The following PCDHGA5 variants were observed in gnomAD, a reference collection of about 807,000 sequenced individuals.
The protein encoded by PCDHGA5 is protocadherin gamma subfamily A, 5, also known as protocadherin gamma-A5.
PCDHGA5 carries 36 observed loss-of-function variants against 56.7 expected under a neutral mutation model. That is an observed-to-expected ratio of 0.64 (90% confidence interval 0.49 to 0.84). PCDHGA5 has a LOEUF of 0.84. PCDHGA5 is among the 40% of genes least tolerant of loss of function. PCDHGA5 has a pLI of 0.00. For synonymous variants in PCDHGA5, 563 were observed against 520.2 expected (o/e 1.08, Z -1.12); for missense variants, 1,305 against 1,201.5 (o/e 1.09, Z -1.27).
In PCDHGA5 at chr5:141,494,850, G is replaced by C. The variant is rs2099757124; in HGVS notation, c.2465G>C (p.Arg822Thr). 1.2e-6 allele frequency: 2 copies of C among 1,614,124 alleles called. No individual in the cohort carries two copies. The highest frequency in any genetic ancestry group is 1.7e-6 in the Non-Finnish European group (2 of 1,180,018). Reference protein sequence around the residue: ...NTDWRFSQAQRPGTSGSQNGD... With the variant: ...NTDWRFSQAQTPGTSGSQNGD... ...GACTGGCGTTTCTCTCAGGCCCAGA[G>C]ACCCGGCACCAGCGGGTAGGTGACT... is the stretch of plus-strand genomic sequence containing the variant. The change falls in exon 2 of 4, where the codon AGA becomes ACA. Residue 822 changes from arginine to threonine, a missense_variant. Physicochemically the swap from Arg to Thr is moderately conservative, Grantham distance 71. Transcript: ENST00000518069.
At chr5:141,408,882 A>G (rs1561715935) in intron 1 of PCDHGA5, 1 of 1,613,404 alleles carries the variant, frequency 6.2e-7, no homozygotes, top group Admixed American at 1.7e-5. Context: ...GCCACCGCTC[A>G]CATAGAAATT....
intron 1 of PCDHGA5, chr5:141,405,160 C>T (rs2094616263): frequency 6.2e-7 from 1 of 1,614,028 alleles, no homozygotes; most frequent in Non-Finnish European, 8.5e-7. Flanking sequence ...CTGGTGTGCC[C>T]ACCTCACACT....
chr5:141,364,262 C>T lies in PCDHGA5; in HGVS notation c.-69C>T, dbSNP rs899975548. ...TTTTCGTCAGGGAATATGTACCCAT[C>T]GGCTTTAGATAAATAAGGAAACAGC... On this transcript the variant is annotated 5_prime_UTR_variant, in exon 1 of 4. Transcript: ENST00000518069. 2 of 1,504,074 alleles carry T rather than the reference C, an allele frequency of 1.3e-6. No homozygotes were observed. The highest frequency in any genetic ancestry group is 1.4e-5 in the African/African-American group (1 of 71,384). 93.2% of individuals were successfully genotyped at this position (1,504,074 alleles called of 1,614,324 possible). A position where few individuals can be genotyped will look rare whatever the true frequency, so the allele number is the denominator to read the frequency against.
rs2092610841 is a variant in PCDHGA5 at position 141,392,842 on chromosome 5, G to C, written c.2421+26091G>C. 6.2e-7 allele frequency: 1 copy of C among 1,609,194 alleles called. No homozygotes were observed. The highest frequency in any genetic ancestry group is 8.5e-7 in the Non-Finnish European group (1 of 1,177,812). On this transcript the variant is annotated intron_variant, in intron 1 of 3. Transcript: ENST00000518069. ...GCCGCTCCACAGAGTCGCCCCAGACGCGGCGAGCTGATCCTGCTGTGCGCG... is the reference window on the plus strand; with the variant it reads ...GCCGCTCCACAGAGTCGCCCCAGACCCGGCGAGCTGATCCTGCTGTGCGCG...
intron 1 of PCDHGA5, among the ~76,000 whole-genome samples, chr5:141,443,876 G>C (rs2098409251): frequency 6.6e-6 from 1 of 152,152 alleles, no homozygotes; most frequent in South Asian, 2.1e-4. Flanking sequence ...TTACTGATAA[G>C]TCAAGAGAAA....
Position 141,487,252 on chromosome 5 carries a change from G to T in PCDHGA5, c.2422-7555G>T. ...GAGAATCTCGTCTAACCCTCTACTT[G>T]GCTGTGTCCCTAGTGGCAATTTGCT... On this transcript the variant is annotated intron_variant, in intron 1 of 3. Transcript: ENST00000518069. The surrounding 1 kb of genome is among the most constrained non-coding windows in gnomAD (Gnocchi z 5.0). 1 of 1,614,110 alleles carries T rather than the reference G, an allele frequency of 6.2e-7. No homozygotes were observed. The highest frequency in any genetic ancestry group is 8.5e-7 in the Non-Finnish European group (1 of 1,180,014).
intron 1 of PCDHGA5, among the ~76,000 whole-genome samples, chr5:141,469,311 T>C (rs970450899): frequency 3.3e-5 from 5 of 152,040 alleles, no homozygotes; most frequent in Admixed American, 3.3e-4. Context: ...GCACGATGGC[T>C]CACGCCTGTA....
In PCDHGA5 at chr5:141,431,615, G is replaced by C. The variant is rs1231591874; in HGVS notation, c.2422-63192G>C. The C allele has an allele frequency of 1.2e-6, 2 of 1,614,118 alleles. No individual in the cohort carries two copies. Among genetic ancestry groups the C allele is most frequent in the Non-Finnish European group, 8.5e-7 (1 of 1,180,050 alleles). ...GAGGTATTCCTTCCGGTATGTGGACGACAAGGCGGCCCAAGTTTTCAAACT... is the reference window on the plus strand; with the variant it reads ...GAGGTATTCCTTCCGGTATGTGGACCACAAGGCGGCCCAAGTTTTCAAACT... On this transcript the variant is annotated intron_variant, in intron 1 of 3. Coordinates refer to ENST00000518069, the MANE Select transcript of PCDHGA5 (RefSeq NM_018918.3). This position sits in a 1 kb window ranked among gnomAD's most constrained non-coding sequence, Gnocchi z 4.8.
In PCDHGA5 at chr5:141,364,165, C is replaced by A. The variant is rs556224229; in HGVS notation, c.-166C>A. ...GGAAAGAAGCTGCCGCAGAGGCGAC[C>A]CGACTCTGCTCCCTCCATACTAAAC... On this transcript the variant is annotated 5_prime_UTR_variant, in exon 1 of 4. Coordinates refer to ENST00000518069, the MANE Select transcript of PCDHGA5 (RefSeq NM_018918.3). The A allele has an allele frequency of 4.3e-6, 3 of 699,866 alleles. No individual in the cohort carries two copies. In the Admixed American group the frequency reaches 1.1e-4, roughly 26 times the overall value. 43.4% of individuals were successfully genotyped at this position (699,866 alleles called of 1,614,324 possible).
At chr5:141,421,776 G>A in intron 1 of PCDHGA5, 5 of 1,613,876 alleles carry the variant, frequency 3.1e-6, no homozygotes, top group Non-Finnish European at 3.4e-6. Context: ...CCTTGCAACT[G>A]CGGGGCAGAA....
At chr5:141,422,464 A>G (rs1303001624) in intron 1 of PCDHGA5, 1 of 1,613,502 alleles carries the variant, frequency 6.2e-7, no homozygotes, top group Admixed American at 1.7e-5. Context: ...AGTGCTGGAC[A>G]GGGAGTTGGT....
In PCDHGA5 at chr5:141,431,766, C is replaced by T. The variant is rs1474420822; in HGVS notation, c.2422-63041C>T. Reference sequence around the variant, plus strand: ...TCTGCGCGAGCCAAAGTCCTGATCACTGTTCTGGACGTGAACGACAATGCC... The same window carrying T: ...TCTGCGCGAGCCAAAGTCCTGATCATTGTTCTGGACGTGAACGACAATGCC... On this transcript the variant is annotated intron_variant, in intron 1 of 3. Transcript: ENST00000518069. The surrounding 1 kb of genome is among the most constrained non-coding windows in gnomAD (Gnocchi z 4.8). 2.5e-6 allele frequency: 4 copies of T among 1,614,196 alleles called. No individual in the cohort carries two copies. Among genetic ancestry groups the T allele is most frequent in the Non-Finnish European group, 3.4e-6 (4 of 1,180,010 alleles).
intron 1 of PCDHGA5, among the ~76,000 whole-genome samples, chr5:141,475,253 A>C (rs2099360990): frequency 6.6e-6 from 1 of 152,200 alleles, no homozygotes; most frequent in Non-Finnish European, 1.5e-5. Flanking sequence ...GTGCTCTACA[A>C]CTGAGATCAT....
intron 1 of PCDHGA5, among the ~76,000 whole-genome samples, chr5:141,460,961 A>ATATG (rs1463306338): frequency 3.5e-5 from 5 of 144,556 alleles, no homozygotes; most frequent in African/African-American, 1.3e-4. Flanking sequence ...GTATATATAT[A>ATATG]TGTGTGTGTG....
intron 1 of PCDHGA5, chr5:141,417,798 C>G (rs2096163233): frequency 6.7e-7 from 1 of 1,486,352 alleles, no homozygotes; most frequent in African/African-American, 1.4e-5. Flanking sequence ...GCTCTTTTAG[C>G]GCGGTAGAGT....
rs771471249 is a variant in PCDHGA5 at position 141,365,444 on chromosome 5, C to T, written c.1114C>T (p.His372Tyr). 3.7e-6 allele frequency: 6 copies of T among 1,613,872 alleles called. No homozygotes were observed. Among genetic ancestry groups the T allele is most frequent in the South Asian group, 2.2e-5 (2 of 91,090 alleles). Residue 372 changes from histidine (H) to tyrosine (Y), a missense_variant, in exon 1 of 4, where the codon CAT becomes TAT. Physicochemically the swap from His to Tyr is moderately conservative, Grantham distance 83. Transcript: ENST00000518069. The part of the protein sequence containing the change: ...PGTVIALFSV[H>Y]DGDSGENGEI... ...AACTGTAATCGCGCTGTTTAGCGTACATGATGGTGATTCTGGAGAAAATGG... is the reference window on the plus strand; with the variant it reads ...AACTGTAATCGCGCTGTTTAGCGTATATGATGGTGATTCTGGAGAAAATGG...
At chr5:141,409,145 T>G (rs2095231039) in intron 1 of PCDHGA5, 1 of 1,613,884 alleles carries the variant, frequency 6.2e-7, no homozygotes, top group Non-Finnish European at 8.5e-7. Flanking sequence ...TGTAGAAAGG[T>G]ACACCATGGA....
intron 1 of PCDHGA5, chr5:141,394,624 T>C (rs542816387): frequency 6.2e-7 from 1 of 1,613,110 alleles, no homozygotes; most frequent in African/African-American, 1.3e-5. Flanking sequence ...AACGCCTGGC[T>C]GTCCTACCGC....
rs370932300 is a variant in PCDHGA5, at chr5:141,459,955, G to A, written c.2422-34852G>A. Among the ~76,000 whole-genome samples, 15 of 152,316 alleles carry A rather than the reference G, an allele frequency of 9.8e-5. No homozygotes were observed. The East Asian group carries it at 2.3e-3, about 24-fold the overall frequency. The stretch of plus-strand genomic sequence containing the variant: ...TAGCTGGGCGTGATGGCAGGTGCCT[G>A]TAATCCCAGCTACTCAGGAGGCTGA... On this transcript the variant is annotated intron_variant, in intron 1 of 3. Coordinates refer to ENST00000518069, the MANE Select transcript of PCDHGA5 (RefSeq NM_018918.3).
Sources: gnomAD v4.1 joint callset for allele counts (sites outside exome capture counted in the v4.1 genomes callset) on GRCh38, gnomAD v4.1.1 for gene constraint, Gnocchi (gnomAD v3.1) non-coding constraint, MANE v1.5 for transcripts, NCBI Gene and HGNC (gene_info 2026-07-23, HGNC 2026-07-21) for gene names.